DMD: variants seen among roughly 807,000 people sequenced by gnomAD.
DMD encodes dystrophin.
DMD carries 63 observed loss-of-function variants against 330.1 expected under a neutral mutation model. That is an observed-to-expected ratio of 0.19 (90% CI 0.16 to 0.24). The LOEUF is 0.24. Ranked by LOEUF, DMD falls within the 10% of genes least tolerant of loss-of-function variation. The pLI is 1.00. For synonymous variants in DMD, 1,223 were observed against 959.8 expected, an observed-to-expected ratio of 1.27 and a Z score of -5.07; for missense variants, 3,344 against 2,684.1, an observed-to-expected ratio of 1.25 and a Z score of -5.43.
intron 55 of DMD, among the ~76,000 whole-genome samples, chrX:31,556,898 C>T (rs1040223237): frequency 1.2e-4 from 13 of 110,993 alleles, no homozygotes; most frequent in Non-Finnish European, 1.9e-4. Context: ...ATTAAATATG[C>T]AATTTGGAGA....
At chrX:32,046,092 G>A (rs773015670) in intron 44 of DMD, among the ~76,000 whole-genome samples, 2 of 112,593 alleles carry the variant, frequency 1.8e-5, no homozygotes, top group East Asian at 2.8e-4. Flanking sequence ...TCTACAGGTC[G>A]TTTTTAATCC....
intron 1 of DMD, among the ~76,000 whole-genome samples, chrX:33,078,486 G>C (rs751655183): frequency 8.9e-6 from 1 of 112,156 alleles, no homozygotes; most frequent in African/African-American, 3.2e-5. Context: ...ATTTGTCACT[G>C]AGTGTATTTT....
intron 41 of DMD, among the ~76,000 whole-genome samples, chrX:32,319,168 T>A (rs2097597661): frequency 9.0e-6 from 1 of 111,378 alleles, no homozygotes; most frequent in Non-Finnish European, 1.9e-5. Context: ...TTTTAGTCAC[T>A]AAGTATGGCC....
At chrX:31,956,729 G>T (rs1413679892) in intron 45 of DMD, among the ~76,000 whole-genome samples, 2 of 111,660 alleles carry the variant, frequency 1.8e-5, no homozygotes, top group Non-Finnish European at 3.8e-5. Flanking sequence ...GAGAGGAGAG[G>T]GAAATGTGAT....
chrX:31,147,461 G>T lies in DMD; in HGVS notation c.10611C>A (p.Ser3537=). ...LKQQHEHKGL[S]PLPSPPEMMP... ...TCATTTCAGGAGGGGACGGCAGTGG[G>T]GACAGGCCTTTATGTTCGTGCTGCT... Residue 3537 remains serine, a synonymous_variant, in exon 75 of 79, where the codon TCC becomes TCA. Coordinates refer to ENST00000357033, the MANE Select transcript of DMD (RefSeq NM_004006.3). 7 of 1,205,522 alleles carry T rather than the reference G, an allele frequency of 5.8e-6. No homozygotes were observed. Among genetic ancestry groups the T allele is most frequent in the Non-Finnish European group, 7.9e-6 (7 of 891,336 alleles).
intron 44 of DMD, among the ~76,000 whole-genome samples, chrX:32,096,589 A>G (rs1179232073): frequency 2.7e-5 from 3 of 110,797 alleles, no homozygotes; most frequent in African/African-American, 9.9e-5. Context: ...TCCATTTCTA[A>G]TATTTTATTC....
intron 2 of DMD, among the ~76,000 whole-genome samples, chrX:32,927,649 T>C (rs780623006): frequency 9.0e-6 from 1 of 111,692 alleles, no homozygotes; most frequent in Non-Finnish European, 1.9e-5. Flanking sequence ...GGTATTTAGG[T>C]TGATTTCCCA....
At chrX:33,044,076 T>C (rs1316553295) in intron 1 of DMD, among the ~76,000 whole-genome samples, 2 of 111,355 alleles carry the variant, frequency 1.8e-5, no homozygotes, top group Non-Finnish European at 3.8e-5. Context: ...AACACTTTCA[T>C]GGGCGTTCCT....
intron 25 of DMD, among the ~76,000 whole-genome samples, chrX:32,458,677 T>A (rs1395974017): frequency 4.5e-5 from 5 of 111,453 alleles, no homozygotes; most frequent in Non-Finnish European, 9.5e-5. Flanking sequence ...CTTTGTTTTG[T>A]TCTGATAATA....
chrX:33,327,700 A>G (rs2054108450), intron 1 of DMD, among the ~76,000 whole-genome samples: 1 of 111,710 alleles, frequency 9.0e-6, no homozygotes, highest in South Asian at 3.8e-4. Flanking sequence ...GCAGGTAGTG[A>G]CCCAAATCTG....
chrX:33,311,198 C>T (rs1483770653), intron 1 of DMD, among the ~76,000 whole-genome samples: 1 of 109,343 alleles, frequency 9.1e-6, no homozygotes, highest in African/African-American at 3.3e-5. Context: ...TACACACATA[C>T]ACACACTTAA....
intron 7 of DMD, among the ~76,000 whole-genome samples, chrX:32,797,650 G>A (rs1363688167): frequency 9.0e-6 from 1 of 111,591 alleles, no homozygotes; most frequent in Non-Finnish European, 1.9e-5. Flanking sequence ...GTGATGATAT[G>A]ACTAGGAAAA....
chrX:33,183,241 A>G (rs1334579191), intron 1 of DMD, among the ~76,000 whole-genome samples: 1 of 112,037 alleles, frequency 8.9e-6, no homozygotes, highest in Non-Finnish European at 1.9e-5. Context: ...ACAGTTCGAG[A>G]AAAATATATG....
intron 47 of DMD, among the ~76,000 whole-genome samples, chrX:31,914,392 A>T (rs748453787): frequency 8.9e-6 from 1 of 112,484 alleles, no homozygotes; most frequent in African/African-American, 3.2e-5. Context: ...TATATACCCA[A>T]AGAAAGGAAA....
At chrX:32,593,657 T>C (rs2055189088) in intron 13 of DMD, among the ~76,000 whole-genome samples, 1 of 110,472 alleles carries the variant, frequency 9.1e-6, no homozygotes, top group African/African-American at 3.3e-5. Flanking sequence ...CCCAACACAA[T>C]CCCTGGGACA....
At chrX:31,932,014 TA>T (rs2094860859) in intron 46 of DMD, 65 bp downstream of exon 46, 1 of 1,143,706 alleles carries the variant, frequency 8.7e-7, no homozygotes, top group East Asian at 3.0e-5. Flanking sequence ...ATGATTGAAT[TA>T]AAAAATAGAT....
At chrX:31,966,793 A>T (rs2095355242) in intron 45 of DMD, among the ~76,000 whole-genome samples, 1 of 111,188 alleles carries the variant, frequency 9.0e-6, no homozygotes, top group Admixed American at 9.6e-5. Context: ...AATAACAGAT[A>T]ACAAGATTTT....
Position 31,507,377 on chromosome X carries a change from G to A in DMD, c.8294C>T (p.Ser2765Phe), listed in dbSNP as rs1305646898. Residue 2765 changes from serine to phenylalanine, a missense_variant, in exon 56 of 79, where the codon TCC becomes TTC. Ser to Phe is a radical substitution (Grantham distance 155). Coordinates refer to ENST00000357033, the MANE Select transcript of DMD (RefSeq NM_004006.3). Reference protein sequence around the residue: ...LDENSQKILRSLEGSDDAVLL... With the variant: ...LDENSQKILRFLEGSDDAVLL... ...GACTGCATCATCGGAACCTTCCAGG[G>A]ATCTCAGGATTTTTTGGCTGTTTTC... The A allele has an allele frequency of 8.3e-7, 1 of 1,211,047 alleles. No individual in the cohort carries two copies. Among genetic ancestry groups the A allele is most frequent in the Admixed American group, 2.2e-5 (1 of 45,979 alleles).
chrX:32,034,858 C>T (rs1487109568), intron 44 of DMD, among the ~76,000 whole-genome samples: 1 of 110,272 alleles, frequency 9.1e-6, no homozygotes, highest in Non-Finnish European at 1.9e-5. Flanking sequence ...GTAAATAGAA[C>T]ATAAAATAAA....
Sources: allele counts gnomAD v4.1 joint callset (sites outside exome capture counted in the v4.1 genomes callset), GRCh38; gene constraint gnomAD v4.1.1; transcripts MANE v1.5; gene names NCBI Gene and HGNC (gene_info 2026-07-23, HGNC 2026-07-21).